Variants in TAF4B observed in about 807,000 individuals in gnomAD.
TAF4B encodes the protein transcription initiation factor TFIID subunit 4B.
A neutral mutation model predicts 86.4 loss-of-function variants in TAF4B; 38 were observed. That is an observed-to-expected ratio of 0.44 (90% confidence interval 0.34 to 0.58). The LOEUF is 0.58. TAF4B is among the 20% of genes least tolerant of loss of function. TAF4B has a pLI of 0.02. For synonymous variants in TAF4B, 388 were observed against 391.2 expected, an observed-to-expected ratio of 0.99 and a Z score of 0.10; for missense variants, 988 against 1,027.6, an observed-to-expected ratio of 0.96 and a Z score of 0.53.
chr18:26,238,067 A>G (rs1485368451), intron 1 of TAF4B, among the ~76,000 whole-genome samples: 1 of 152,210 alleles, frequency 6.6e-6, no homozygotes. Context: ...AAGAGGACCA[A>G]GGAATGTCAG....
At chr18:26,270,370 C>G (rs72880129) in intron 3 of TAF4B, among the ~76,000 whole-genome samples, 1 of 152,142 alleles carries the variant, frequency 6.6e-6, no homozygotes, top group Non-Finnish European at 1.5e-5. Context: ...TTTCTGTGCT[C>G]TCTGAATATT....
intron 13 of TAF4B, among the ~76,000 whole-genome samples, chr18:26,356,216 CTT>C (rs902024914): frequency 1.3e-5 from 2 of 152,058 alleles, no homozygotes; most frequent in African/African-American, 4.8e-5. Flanking sequence ...TCTTAAGTCT[CTT>C]TTATAAGGGC....
In TAF4B at chr18:26,247,786, G is replaced by A. The variant is rs139721262; in HGVS notation, c.344-17384G>A. ...AATCCCAGGTACTTGGGAGGCTGAGGCACGAGAATCACTTGAGCCCAGATG... is the reference window on the plus strand; with the variant it reads ...AATCCCAGGTACTTGGGAGGCTGAGACACGAGAATCACTTGAGCCCAGATG... On this transcript the variant is annotated intron_variant, in intron 1 of 14. Transcript: ENST00000269142. 2.6e-3 allele frequency among the ~76,000 whole-genome samples: 400 copies of A among 152,284 alleles called. 2 individuals are homozygous for A. The highest frequency in any genetic ancestry group is 4.5e-3 in the Non-Finnish European group (305 of 68,022).
chr18:26,359,990 T>C (rs1384109177), intron 14 of TAF4B, among the ~76,000 whole-genome samples: 1 of 152,074 alleles, frequency 6.6e-6, no homozygotes, highest in Non-Finnish European at 1.5e-5. Context: ...AGTGCTAGGA[T>C]TGCAGGTGTA....
chr18:26,352,963 A>G (rs972447121), intron 13 of TAF4B, among the ~76,000 whole-genome samples: 2 of 152,208 alleles, frequency 1.3e-5, no homozygotes, highest in African/African-American at 4.8e-5. Flanking sequence ...GAGAGATACC[A>G]GAACAGATTT....
chr18:26,327,039 A>G lies in TAF4B; in HGVS notation c.2158A>G (p.Ser720Gly), dbSNP rs1427517638. 1.2e-6 allele frequency: 2 copies of G among 1,613,458 alleles called. No homozygotes were observed. The highest frequency in any genetic ancestry group is 8.5e-7 in the Non-Finnish European group (1 of 1,179,754). Reference protein sequence around the residue: ...YKASENYILCSDTRSQLKFLE... With the variant: ...YKASENYILCGDTRSQLKFLE... ...GGCAAGTGAAAATTACATCCTGTGT[A>G]GTGATACCAGGTCACAGCTCAAATT... Residue 720 changes from serine to glycine, a missense_variant, in exon 12 of 15, where the codon AGT (serine) becomes GGT (glycine). Physicochemically the swap from Ser to Gly is moderately conservative, Grantham distance 56. Coordinates refer to ENST00000269142, the MANE Select transcript of TAF4B (RefSeq NM_005640.3).
At chr18:26,362,580 G>T (rs2057340089) in intron 14 of TAF4B, among the ~76,000 whole-genome samples, 2 of 152,258 alleles carry the variant, frequency 1.3e-5, no homozygotes, top group South Asian at 4.1e-4. Context: ...CGAATGTGCT[G>T]TTTGTGTTCA....
chr18:26,365,191 C>T (rs542227773), intron 14 of TAF4B, among the ~76,000 whole-genome samples: 1 of 151,692 alleles, frequency 6.6e-6, no homozygotes, highest in African/African-American at 2.4e-5. Context: ...ATTTTTAGTA[C>T]AGATGGGATT....
chr18:26,360,449 CT>C (rs1207393642), intron 14 of TAF4B, among the ~76,000 whole-genome samples: 2 of 152,106 alleles, frequency 1.3e-5, no homozygotes, highest in African/African-American at 4.8e-5. Context: ...TTTGTCTGGG[CT>C]TTATTCATCT....
chr18:26,263,726 T>C (rs992191530), intron 1 of TAF4B, among the ~76,000 whole-genome samples: 1 of 152,090 alleles, frequency 6.6e-6, no homozygotes, highest in African/African-American at 2.4e-5. Flanking sequence ...TCTCTCTCTC[T>C]CTTTTTTGAG....
In TAF4B at chr18:26,227,546, AAT is replaced by A. The variant is rs550739230; in HGVS notation, c.343+274_343+275del. Among the ~76,000 whole-genome samples, 631 of 152,320 alleles carry A rather than the reference AAT, an allele frequency of 4.1e-3. 4 individuals are homozygous for A. Among genetic ancestry groups the A allele is most frequent in the Non-Finnish European group, 5.0e-3 (337 of 68,030 alleles). On this transcript the variant is annotated intron_variant, in intron 1 of 14. Transcript: ENST00000269142. ...GCACTGGCTCTTAGGTGGAGGAGATAATATAGCCGAAGTTAATTTCCATGTGG... is the reference window on the plus strand; with the variant it reads ...GCACTGGCTCTTAGGTGGAGGAGATAATAGCCGAAGTTAATTTCCATGTGG...
chr18:26,341,348 T>G (rs2057133546), intron 13 of TAF4B, among the ~76,000 whole-genome samples: 1 of 152,080 alleles, frequency 6.6e-6, no homozygotes, highest in Admixed American at 6.5e-5. Flanking sequence ...GCTCTTAGAT[T>G]TAGGTTTGAG....
intron 9 of TAF4B, among the ~76,000 whole-genome samples, chr18:26,294,094 G>A (rs1307626754): frequency 2.6e-5 from 4 of 152,050 alleles, no homozygotes; most frequent in African/African-American, 9.7e-5. Context: ...ATATAATAAA[G>A]CTTCATGTAC....
At chr18:26,268,787 G>T (rs1381060804) in intron 3 of TAF4B, among the ~76,000 whole-genome samples, 1 of 152,004 alleles carries the variant, frequency 6.6e-6, no homozygotes, top group Non-Finnish European at 1.5e-5. Context: ...TGCAGCCATA[G>T]TGTCTATTTT....
chr18:26,315,534 TG>T, intron 10 of TAF4B, 136 bp downstream of exon 10: 1 of 545,932 alleles, frequency 1.8e-6, no homozygotes, highest in Non-Finnish European at 3.0e-6. Flanking sequence ...CAAGATTTCA[TG>T]GGCATTACAG....
At chr18:26,327,817 C>T (rs967846996) in intron 12 of TAF4B, among the ~76,000 whole-genome samples, 4 of 152,220 alleles carry the variant, frequency 2.6e-5, no homozygotes, top group Admixed American at 2.6e-4. Context: ...GAACTCCGAC[C>T]TTGGGTGATC....
rs184161664 is a variant in TAF4B, at chr18:26,231,398, G to A, written c.343+4122G>A. Among the ~76,000 whole-genome samples, 31 of 139,240 alleles carry A rather than the reference G, an allele frequency of 2.2e-4. No homozygotes were observed. The East Asian group carries it at 5.6e-3, about 25-fold the overall frequency. 91.3% of individuals were successfully genotyped at this position (139,240 alleles called of 152,430 possible). A position where few individuals can be genotyped will look rare whatever the true frequency, so the allele number is the denominator to read the frequency against. On this transcript the variant is annotated intron_variant, in intron 1 of 14. Coordinates refer to ENST00000269142, the MANE Select transcript of TAF4B (RefSeq NM_005640.3). Reference sequence around the variant, plus strand: ...GACAGAGTCTCACTCTGTTGCCCAGGTTGGAGTACAGTGGCATGATCTCAG... The same window carrying A: ...GACAGAGTCTCACTCTGTTGCCCAGATTGGAGTACAGTGGCATGATCTCAG...
intron 1 of TAF4B, 151 bp downstream of exon 1, chr18:26,227,427 C>G (rs189143116): frequency 2.7e-4 from 187 of 697,118 alleles, no homozygotes; most frequent in Non-Finnish European, 3.8e-4. Context: ...TGTGTCATTA[C>G]TACATAGTTT....
chr18:26,229,120 C>G lies in TAF4B; in HGVS notation c.343+1844C>G, dbSNP rs564585652. 5.9e-5 allele frequency among the ~76,000 whole-genome samples: 9 copies of G among 152,146 alleles called. No homozygotes were observed. In the South Asian group the frequency reaches 1.5e-3, roughly 25 times the overall value. ...GATTCAGAGAACTTTAGATTCCAGT[C>G]TTTTATTTTATATACCAAGGAACCA... is the stretch of plus-strand genomic sequence containing the variant. On this transcript the variant is annotated intron_variant, in intron 1 of 14. Transcript: ENST00000269142.
Sources: gnomAD v4.1 joint callset for allele counts (sites outside exome capture counted in the v4.1 genomes callset) on GRCh38, gnomAD v4.1.1 for gene constraint, MANE v1.5 for transcripts, NCBI Gene and HGNC (gene_info 2026-07-23, HGNC 2026-07-21) for gene names.